UST: variants seen among roughly 807,000 people sequenced by gnomAD.
UST encodes uronyl 2-sulfotransferase, also known as chondroitin sulfate 2-O-sulfotransferase.
Under a neutral mutation model 45.6 loss-of-function variants are expected in UST, and 21 were observed. That is an observed-to-expected ratio of 0.46 (90% CI 0.33 to 0.66). The LOEUF is 0.66. UST is among the 30% of genes least tolerant of loss of function. UST has a pLI of 0.02. For missense variants in UST, 463 were observed against 512.4 expected, an observed-to-expected ratio of 0.90 and a Z score of 0.93; for synonymous variants, 215 against 200.6, an observed-to-expected ratio of 1.07 and a Z score of -0.61.
chr6:148,760,121 C>T (rs1469214239), intron 1 of UST, among the ~76,000 whole-genome samples: 3 of 152,138 alleles, frequency 2.0e-5, no homozygotes, highest in Non-Finnish European at 4.4e-5. Flanking sequence ...TTTAGGCCAT[C>T]GTTGTCATTT....
chr6:149,033,729 C>T (rs1231072598), intron 7 of UST, among the ~76,000 whole-genome samples: 2 of 152,206 alleles, frequency 1.3e-5, no homozygotes, highest in Admixed American at 6.5e-5. Context: ...GATGCTTCTG[C>T]TGCATTGTCA....
chr6:148,813,283 C>T (rs983599688), intron 1 of UST, among the ~76,000 whole-genome samples: 1 of 152,142 alleles, frequency 6.6e-6, no homozygotes, highest in African/African-American at 2.4e-5. Flanking sequence ...CTCCCAGAAC[C>T]CTTTTTTTCT....
intron 2 of UST, among the ~76,000 whole-genome samples, chr6:148,908,677 CAT>C (rs1329297196): frequency 1.3e-5 from 2 of 152,182 alleles, no homozygotes; most frequent in Admixed American, 1.3e-4. Context: ...ACTCTGTGAA[CAT>C]GAGTCATTTG....
chr6:148,971,224 CA>C (rs1418816776), intron 5 of UST, among the ~76,000 whole-genome samples: 3 of 63,932 alleles, frequency 4.7e-5, no homozygotes, highest in African/African-American at 1.3e-4. Flanking sequence ...GCCAGTCATA[CA>C]TTTTTTTTTT....
chr6:149,004,838 T>TTG (rs1223034071), intron 5 of UST, among the ~76,000 whole-genome samples: 3 of 151,968 alleles, frequency 2.0e-5, no homozygotes, highest in African/African-American at 7.3e-5. Context: ...CACGTGCCTT[T>TTG]TGTGTGTGTG....
chr6:148,894,454 T>C (rs745990007), intron 2 of UST, among the ~76,000 whole-genome samples: 1 of 152,096 alleles, frequency 6.6e-6, no homozygotes, highest in African/African-American at 2.4e-5. Context: ...TGGAGGCAGA[T>C]TGGGATTATG....
At chr6:148,872,067 G>A (rs766089422) in intron 1 of UST, among the ~76,000 whole-genome samples, 2 of 152,168 alleles carry the variant, frequency 1.3e-5, no homozygotes, top group Non-Finnish European at 2.9e-5. Context: ...GTGCATGCAC[G>A]TGCATGTCGC....
intron 1 of UST, among the ~76,000 whole-genome samples, chr6:148,803,858 T>C (rs1051986381): frequency 9.9e-5 from 15 of 152,222 alleles, no homozygotes; most frequent in Non-Finnish European, 2.1e-4. Flanking sequence ...GGGATTCACC[T>C]GGGATAGTCT....
Position 149,074,194 on chromosome 6 carries a change from A to G in UST, c.*78A>G. 6.7e-7 allele frequency: 1 copy of G among 1,485,868 alleles called. No individual in the cohort carries two copies. The highest frequency in any genetic ancestry group is 9.2e-7 in the Non-Finnish European group (1 of 1,089,902). 92.0% of individuals were successfully genotyped at this position (1,485,868 alleles called of 1,614,324 possible). On this transcript the variant is annotated 3_prime_UTR_variant, in exon 8 of 8. Coordinates refer to ENST00000367463, the MANE Select transcript of UST (RefSeq NM_005715.3). ...TTTGGGGAAGTAAAATCCTTAAGGG[A>G]CTAAATTAATGCTTGGGTGCATTAA...
chr6:148,832,591 A>G (rs1317101873), intron 1 of UST, among the ~76,000 whole-genome samples: 1 of 152,216 alleles, frequency 6.6e-6, no homozygotes, highest in Non-Finnish European at 1.5e-5. Context: ...CAGGACTATC[A>G]CACATTGAGT....
intron 5 of UST, among the ~76,000 whole-genome samples, chr6:148,968,884 A>G (rs1318860644): frequency 6.6e-6 from 1 of 152,252 alleles, no homozygotes; most frequent in Non-Finnish European, 1.5e-5. Context: ...AAATCTTCCC[A>G]GAGAGAACAC....
chr6:148,904,053 T>G (rs1373499261), intron 2 of UST, among the ~76,000 whole-genome samples: 5 of 152,176 alleles, frequency 3.3e-5, no homozygotes, highest in Non-Finnish European at 7.3e-5. Context: ...ATGATTCTTG[T>G]CAGAAGGGAC....
At chr6:148,859,849 C>A (rs190023836) in intron 1 of UST, among the ~76,000 whole-genome samples, 1 of 152,108 alleles carries the variant, frequency 6.6e-6, no homozygotes, top group Non-Finnish European at 1.5e-5. Context: ...TTCCATTGAT[C>A]TATATCTCTG....
chr6:148,856,120 G>A (rs1278690612), intron 1 of UST, among the ~76,000 whole-genome samples: 1 of 152,034 alleles, frequency 6.6e-6, no homozygotes, highest in Non-Finnish European at 1.5e-5. Flanking sequence ...GGGTTCAAGC[G>A]ATTCTCCCAC....
intron 5 of UST, among the ~76,000 whole-genome samples, chr6:149,001,513 T>C (rs1781549682): frequency 6.6e-6 from 1 of 152,238 alleles, no homozygotes; most frequent in Non-Finnish European, 1.5e-5. Context: ...GAAGGAATCA[T>C]AGTTAGGCTC....
intron 1 of UST, among the ~76,000 whole-genome samples, chr6:148,863,837 A>G (rs1005067116): frequency 6.6e-6 from 1 of 152,190 alleles, no homozygotes; most frequent in Non-Finnish European, 1.5e-5. Context: ...AGAACGGCAA[A>G]TGTTCCTGCC....
chr6:148,929,988 A>G (rs1416981670), intron 2 of UST, among the ~76,000 whole-genome samples: 1 of 152,216 alleles, frequency 6.6e-6, no homozygotes, highest in Non-Finnish European at 1.5e-5. Flanking sequence ...AAAGTTTCTT[A>G]TTAATGCAAA....
At position 148,790,927 on chromosome 6, in the gene UST, A is replaced by T. The variant is rs538358697; in HGVS notation, c.247+43250A>T. Reference sequence around the variant, plus strand: ...TCCTTTGTAGGTTGTATCTGAGTACATGCACATCTCTCCCTCAGGATCTGC... The same window carrying T: ...TCCTTTGTAGGTTGTATCTGAGTACTTGCACATCTCTCCCTCAGGATCTGC... On this transcript the variant is annotated intron_variant, in intron 1 of 7. Transcript: ENST00000367463. This position sits in a 1 kb window ranked among gnomAD's most constrained non-coding sequence, Gnocchi z 4.2. Among the ~76,000 whole-genome samples the T allele has an allele frequency of 2.0e-5, 3 of 152,196 alleles. No individual in the cohort carries two copies. The highest frequency in any genetic ancestry group is 4.4e-5 in the Non-Finnish European group (3 of 68,040).
intron 1 of UST, among the ~76,000 whole-genome samples, chr6:148,816,876 T>C (rs1777366022): frequency 6.6e-6 from 1 of 152,222 alleles, no homozygotes; most frequent in South Asian, 2.1e-4. Flanking sequence ...AGCTTTCTAT[T>C]TGGATAATAG....
Sources: gnomAD v4.1 joint callset for allele counts (sites outside exome capture counted in the v4.1 genomes callset) on GRCh38, gnomAD v4.1.1 for gene constraint, Gnocchi (gnomAD v3.1) non-coding constraint, MANE v1.5 for transcripts, NCBI Gene and HGNC (gene_info 2026-07-23, HGNC 2026-07-21) for gene names.